ASCC3: variants seen among roughly 807,000 people sequenced by gnomAD.
ASCC3 encodes activating signal cointegrator 1 complex subunit 3, also known as ASC-1 complex subunit P200.
In ASCC3, 158 loss-of-function variants were observed where a neutral mutation model predicts 256.3. The ratio of observed to expected loss-of-function variants is 0.62; its 90% confidence interval spans 0.54 to 0.70. The LOEUF (loss-of-function observed/expected upper bound fraction) is 0.70. Ranked by LOEUF, ASCC3 falls within the 30% of genes least tolerant of loss-of-function variation. ASCC3 has a pLI of 0.00. For synonymous variants in ASCC3, 948 were observed against 883.4 expected, an observed-to-expected ratio of 1.07 and a Z score of -1.30; for missense variants, 2,259 against 2,626.0, an observed-to-expected ratio of 0.86 and a Z score of 3.05.
intron 8 of ASCC3, among the ~76,000 whole-genome samples, chr6:100,776,865 T>G (rs1216647876): frequency 6.6e-6 from 1 of 152,034 alleles, no homozygotes; most frequent in Non-Finnish European, 1.5e-5. Flanking sequence ...CCATAGACAT[T>G]AAAATTTCAG....
rs190912920 is a variant in ASCC3, at chr6:100,587,799, G to A, written c.5550+1835C>T. 2.8e-3 allele frequency among the ~76,000 whole-genome samples: 422 copies of A among 152,284 alleles called. 2 individuals carry two copies. The highest frequency in any genetic ancestry group is 9.2e-3 in the African/African-American group (383 of 41,572). On this transcript the variant is annotated intron_variant, in intron 36 of 41. Coordinates refer to ENST00000369162, the MANE Select transcript of ASCC3 (RefSeq NM_006828.4). Reference sequence around the variant, plus strand: ...ATAGTGTAATGCCAGAAAGAAACATGCTGCTGACAGGATGGGAACAGACCT... The same window carrying A: ...ATAGTGTAATGCCAGAAAGAAACATACTGCTGACAGGATGGGAACAGACCT...
chr6:100,576,089 A>G (rs990557027), intron 36 of ASCC3, among the ~76,000 whole-genome samples: 3 of 152,046 alleles, frequency 2.0e-5, no homozygotes, highest in Non-Finnish European at 1.5e-5. Flanking sequence ...AAAACTGCTA[A>G]ATGCTTCAAT....
chr6:100,608,130 A>G (rs1416212794), intron 30 of ASCC3, among the ~76,000 whole-genome samples: 10 of 125,822 alleles, frequency 7.9e-5, no homozygotes, highest in African/African-American at 3.1e-4. Context: ...ATATATACAT[A>G]TATATGTATA....
chr6:100,715,595 A>G lies in ASCC3; in HGVS notation c.2080-62T>C. 4 of 1,480,144 alleles carry G rather than the reference A, an allele frequency of 2.7e-6. No homozygotes were observed. In the Admixed American group the frequency reaches 7.2e-5, roughly 26 times the overall value. The allele number at this position is 1,480,144 out of a possible 1,614,324, so 91.7% of individuals were successfully genotyped here. A position where few individuals can be genotyped will look rare whatever the true frequency, so the allele number is the denominator to read the frequency against. Reference sequence around the variant, plus strand: ...ACAATTATAAACTTTCTAACTACAAATAAAATTTTGCCAATTACAATGCAT... The same window carrying G: ...ACAATTATAAACTTTCTAACTACAAGTAAAATTTTGCCAATTACAATGCAT... On this transcript the variant is annotated intron_variant, in intron 12 of 41. Coordinates refer to ENST00000369162, the MANE Select transcript of ASCC3 (RefSeq NM_006828.4).
At chr6:100,838,216 T>C (rs930541828) in intron 4 of ASCC3, among the ~76,000 whole-genome samples, 1 of 152,012 alleles carries the variant, frequency 6.6e-6, no homozygotes, top group Non-Finnish European at 1.5e-5. Context: ...TAGATTTGCA[T>C]GTGAAATTTT....
Position 100,864,145 on chromosome 6 carries a change from A to G in ASCC3, c.160T>C (p.Leu54=). 6.2e-7 allele frequency: 1 copy of G among 1,608,574 alleles called. No homozygotes were observed. Among genetic ancestry groups the G allele is most frequent in the Non-Finnish European group, 8.5e-7 (1 of 1,176,692 alleles). ...TTACTCTTCTCCAGTTTTTCATTCA[A>G]AAATTTTATTATCTTCTTCCATGTC... The part of the protein sequence containing the change: ...GLTWKKIIKF[L]NEKLEKSKMQ... Residue 54 remains leucine (L), a synonymous_variant, in exon 3 of 42, where the codon TTG becomes CTG. Coordinates refer to ENST00000369162, the MANE Select transcript of ASCC3 (RefSeq NM_006828.4).
chr6:100,733,537 C>T (rs1780007894), intron 10 of ASCC3, among the ~76,000 whole-genome samples: 1 of 152,162 alleles, frequency 6.6e-6, no homozygotes, highest in Admixed American at 6.5e-5. Context: ...CTGAGGCCCT[C>T]ATCAGACGCC....
intron 21 of ASCC3, 123 bp downstream of exon 21, chr6:100,647,103 T>G: frequency 1.0e-6 from 1 of 977,572 alleles, no homozygotes. Context: ...TGAAAAAGAT[T>G]TATAAATACG....
chr6:100,680,946 A>G (rs978381889), intron 13 of ASCC3, among the ~76,000 whole-genome samples: 5 of 152,196 alleles, frequency 3.3e-5, no homozygotes, highest in Non-Finnish European at 5.9e-5. Flanking sequence ...AGTAAAAGAG[A>G]GGATCATTTT....
In ASCC3 at chr6:100,717,821, A is replaced by C. The variant is rs191403262; in HGVS notation, c.2079+254T>G. On this transcript the variant is annotated intron_variant, in intron 12 of 41. Coordinates refer to ENST00000369162, the MANE Select transcript of ASCC3 (RefSeq NM_006828.4). ...TAATAGCTGAAAATACGTAACATAC[A>C]TGGAAAACACCAATGCAAACTATGA... Among the ~76,000 whole-genome samples the C allele has an allele frequency of 4.7e-3, 718 of 152,296 alleles. 4 individuals carry two copies. Among genetic ancestry groups the C allele is most frequent in the Non-Finnish European group, 8.0e-3 (544 of 68,012 alleles).
chr6:100,581,031 G>T (rs1175383354), intron 36 of ASCC3, among the ~76,000 whole-genome samples: 3 of 151,982 alleles, frequency 2.0e-5, no homozygotes, highest in African/African-American at 4.8e-5. Flanking sequence ...GAATAGTGCC[G>T]CAATAAACAT....
At chr6:100,624,311 C>T (rs117211003) in intron 30 of ASCC3, among the ~76,000 whole-genome samples, 2,322 of 151,138 alleles carry the variant, frequency 0.015, 22 homozygotes, top group East Asian at 0.044. Flanking sequence ...AAAATAAATG[C>T]TGTCCTGGAA....
At position 100,662,035 on chromosome 6, in the gene ASCC3, A is replaced by G. The variant is rs1386381593; in HGVS notation, c.2479-5T>C. The G allele has an allele frequency of 6.2e-7, 1 of 1,612,332 alleles. No individual in the cohort carries two copies. Among genetic ancestry groups the G allele is most frequent in the Non-Finnish European group, 8.5e-7 (1 of 1,178,984 alleles). On this transcript the variant is annotated splice_polypyrimidine_tract_variant and splice_region_variant and intron_variant, in intron 15 of 41. Coordinates refer to ENST00000369162, the MANE Select transcript of ASCC3 (RefSeq NM_006828.4). Reference sequence around the variant, plus strand: ...TGCAGCATATATTTGTGTTCCCTAGATGAGGAAAAGTTAACAAAAATTTAC... The same window carrying G: ...TGCAGCATATATTTGTGTTCCCTAGGTGAGGAAAAGTTAACAAAAATTTAC...
rs1388331968 is a variant in ASCC3 at position 100,578,171 on chromosome 6, T to C, written c.5550+11463A>G. ...ATTCCACATATAAAGAAAAAGAACA[T>C]AAAAGGCGAGAATTCAGAGGATAAG... On this transcript the variant is annotated intron_variant, in intron 36 of 41. Transcript: ENST00000369162. Among the ~76,000 whole-genome samples the C allele has an allele frequency of 4.6e-5, 7 of 152,058 alleles. No individual in the cohort carries two copies. The East Asian group carries it at 1.2e-3, about 25-fold the overall frequency.
chr6:100,646,330 GAC>G (rs1775377610), intron 22 of ASCC3, among the ~76,000 whole-genome samples: 1 of 151,618 alleles, frequency 6.6e-6, no homozygotes, highest in Non-Finnish European at 1.5e-5. Context: ...ATTTTTTTGA[GAC>G]AGAGTCTCGC....
At chr6:100,870,771 G>C (rs1051747219) in intron 1 of ASCC3, among the ~76,000 whole-genome samples, 26 of 152,148 alleles carry the variant, frequency 1.7e-4, no homozygotes, top group African/African-American at 5.6e-4. Context: ...AGATGATTCA[G>C]GGAATCACAT....
intron 30 of ASCC3, among the ~76,000 whole-genome samples, chr6:100,613,463 A>G (rs1056468698): frequency 6.6e-6 from 1 of 151,948 alleles, no homozygotes; most frequent in African/African-American, 2.4e-5. Flanking sequence ...ATCCATGCTG[A>G]TGCAAAAGAC....
chr6:100,625,040 A>G, intron 30 of ASCC3, 152 bp downstream of exon 30: 1 of 876,162 alleles, frequency 1.1e-6, no homozygotes, highest in Non-Finnish European at 1.7e-6. Context: ...GGACTATAGT[A>G]GAACAAACTA....
intron 10 of ASCC3, among the ~76,000 whole-genome samples, chr6:100,742,384 CT>C (rs1413391241): frequency 6.6e-6 from 1 of 152,188 alleles, no homozygotes; most frequent in Non-Finnish European, 1.5e-5. Flanking sequence ...ATTCTGGCTG[CT>C]TTTTGGTTTA....
Sources: allele counts gnomAD v4.1 joint callset (sites outside exome capture counted in the v4.1 genomes callset), GRCh38; gene constraint gnomAD v4.1.1; transcripts MANE v1.5; gene names NCBI Gene and HGNC (gene_info 2026-07-23, HGNC 2026-07-21).